CHST8: variants seen among roughly 807,000 people sequenced by gnomAD.
CHST8 encodes GALNAC-4-ST1.
A neutral mutation model predicts 15.0 loss-of-function variants in CHST8; 10 were observed. The ratio of observed to expected loss-of-function variants is 0.67; its 90% CI spans 0.41 to 1.13. The LOEUF (loss-of-function observed/expected upper bound fraction) is 1.13, where lower values mean the gene tolerates loss of function less well. CHST8 is among the 50% of genes most tolerant of loss of function. The probability of loss-of-function intolerance (pLI) is 0.00; values close to 1 mark genes in which losing one functional copy is unlikely to be tolerated. For missense variants in CHST8, 634 were observed against 608.2 expected (o/e 1.04, Z -0.45); for synonymous variants, 259 against 256.6 (o/e 1.01, Z -0.09).
intron 3 of CHST8, among the ~76,000 whole-genome samples, chr19:33,767,549 A>T (rs571335075): frequency 3.2e-4 from 48 of 152,178 alleles, no homozygotes; most frequent in South Asian, 8.3e-4. Context: ...AGTGCCCATA[A>T]CTCACGCCTT....
intron 3 of CHST8, among the ~76,000 whole-genome samples, chr19:33,767,016 C>A (rs1974860714): frequency 6.6e-6 from 1 of 152,098 alleles, no homozygotes; most frequent in Non-Finnish European, 1.5e-5. Flanking sequence ...CTCTCCCATG[C>A]CTGTCCCTCT....
At chr19:33,684,978 G>T (rs1192338587) in intron 2 of CHST8, 1 of 152,292 alleles carries the variant, frequency 6.6e-6, no homozygotes, top group Non-Finnish European at 1.5e-5. Context: ...CCCGTGTGGT[G>T]CAAGGAGACC....
chr19:33,649,995 G>A (rs73587170), intron 1 of CHST8, among the ~76,000 whole-genome samples: 3 of 152,146 alleles, frequency 2.0e-5, no homozygotes, highest in Non-Finnish European at 4.4e-5. Flanking sequence ...AAGTGTAGGG[G>A]TGTGTGACTT....
Position 33,758,212 on chromosome 19 carries a change from T to C in CHST8, c.131-13201T>C, listed in dbSNP as rs1599631913. 2.3e-5 allele frequency among the ~76,000 whole-genome samples: 3 copies of C among 128,262 alleles called. No individual in the cohort carries two copies. The Admixed American group carries it at 2.5e-4, about 11-fold the overall frequency. The allele number at this position is 128,262 out of a possible 152,430, so 84.1% of individuals were successfully genotyped here. A position where few individuals can be genotyped will look rare whatever the true frequency, so the allele number is the denominator to read the frequency against. The stretch of plus-strand genomic sequence containing the variant: ...CCCTGAGATGCCAGAGAGAAGACAC[T>C]GGAGATGTTGGTGTAGGGGTGGGGG... On this transcript the variant is annotated intron_variant, in intron 3 of 4. Coordinates refer to ENST00000650847, the MANE Select transcript of CHST8 (RefSeq NM_001127895.2).
chr19:33,757,510 GAAAGAAAGAAAGAGAAAGAAAGAA>G (rs1974607203), intron 3 of CHST8, among the ~76,000 whole-genome samples: 2 of 48,978 alleles, frequency 4.1e-5, no homozygotes, highest in African/African-American at 1.9e-4. Context: ...AAGAAAGAAA[GAAAGAAAGAAAGAGAAAGAAAGAA>G]AGAAAGAAAG....
At chr19:33,680,033 C>T (rs2145243375) in intron 2 of CHST8, among the ~76,000 whole-genome samples, 1 of 152,334 alleles carries the variant, frequency 6.6e-6, no homozygotes, top group Admixed American at 6.5e-5. Flanking sequence ...CCATCAAGGC[C>T]TACATCCCTA....
chr19:33,698,925 C>T (rs1387551171), intron 3 of CHST8, among the ~76,000 whole-genome samples: 1 of 152,150 alleles, frequency 6.6e-6, no homozygotes, highest in Non-Finnish European at 1.5e-5. Context: ...GACGCTGGCA[C>T]CATGCAGGGT....
intron 3 of CHST8, among the ~76,000 whole-genome samples, chr19:33,690,703 G>T (rs533991953): frequency 1.3e-5 from 2 of 152,228 alleles, no homozygotes; most frequent in Non-Finnish European, 2.9e-5. Flanking sequence ...GCTCCCAGGC[G>T]TCTGGAGCAG....
intron 1 of CHST8, among the ~76,000 whole-genome samples, chr19:33,640,608 A>C (rs960331645): frequency 6.6e-6 from 1 of 150,674 alleles, no homozygotes; most frequent in South Asian, 2.1e-4. Flanking sequence ...TTGTATGAAT[A>C]AATTAGACTC....
At chr19:33,762,504 C>T (rs146683982) in intron 3 of CHST8, among the ~76,000 whole-genome samples, 3 of 152,350 alleles carry the variant, frequency 2.0e-5, no homozygotes, top group Non-Finnish European at 2.9e-5. Flanking sequence ...GAAACAAGTG[C>T]GGTCAGAGCC....
chr19:33,632,669 C>G (rs970462217), intron 1 of CHST8, among the ~76,000 whole-genome samples: 15 of 152,114 alleles, frequency 9.9e-5, no homozygotes, highest in African/African-American at 3.1e-4. Flanking sequence ...CCAGAACCCC[C>G]CCATGACCTC....
chr19:33,706,720 C>T (rs546294721), intron 3 of CHST8, among the ~76,000 whole-genome samples: 3 of 152,318 alleles, frequency 2.0e-5, no homozygotes, highest in African/African-American at 7.2e-5. Context: ...GTCAAGTGAT[C>T]GCTGCTTGAA....
intron 1 of CHST8, among the ~76,000 whole-genome samples, chr19:33,662,392 C>T (rs75702992): frequency 0.025 from 3,753 of 152,292 alleles, 129 homozygotes; most frequent in African/African-American, 0.084. Flanking sequence ...AGGACAATTT[C>T]GTACATCACT....
chr19:33,646,804 A>C (rs1280060552), intron 1 of CHST8, among the ~76,000 whole-genome samples: 3 of 152,210 alleles, frequency 2.0e-5, no homozygotes, highest in Admixed American at 2.0e-4. Context: ...TGTCCCAGGT[A>C]CTTGGGAGGC....
intron 3 of CHST8, among the ~76,000 whole-genome samples, chr19:33,730,871 A>G (rs1052160466): frequency 2.0e-5 from 3 of 152,206 alleles, no homozygotes; most frequent in African/African-American, 7.2e-5. Context: ...CCCCTGGCAA[A>G]CAACTGGTGT....
At chr19:33,766,998 C>T (rs1974860542) in intron 3 of CHST8, among the ~76,000 whole-genome samples, 1 of 152,250 alleles carries the variant, frequency 6.6e-6, no homozygotes, top group African/African-American at 2.4e-5. Flanking sequence ...TGCCCTCCTT[C>T]CCCAGTTCTC....
At chr19:33,622,979 C>G (rs1433499046) in intron 1 of CHST8, among the ~76,000 whole-genome samples, 2 of 152,250 alleles carry the variant, frequency 1.3e-5, no homozygotes, top group East Asian at 1.9e-4. Flanking sequence ...GGGACCGAGC[C>G]GAGCTCTGAC....
intron 2 of CHST8, among the ~76,000 whole-genome samples, chr19:33,676,394 ACC>A (rs1380659273): frequency 1.3e-5 from 2 of 151,980 alleles, no homozygotes; most frequent in Non-Finnish European, 2.9e-5. Context: ...ACACAGTGAA[ACC>A]CCATCTCTAC....
At chr19:33,720,022 C>A (rs1479265746) in intron 3 of CHST8, among the ~76,000 whole-genome samples, 4 of 152,088 alleles carry the variant, frequency 2.6e-5, no homozygotes, top group Non-Finnish European at 5.9e-5. Context: ...TACATGTTCT[C>A]TCCTAGGCAG....
Sources: gnomAD v4.1 joint callset for allele counts (sites outside exome capture counted in the v4.1 genomes callset) on GRCh38, gnomAD v4.1.1 for gene constraint, MANE v1.5 for transcripts, NCBI Gene and HGNC (gene_info 2026-07-23, HGNC 2026-07-21) for gene names.